SGK1: variants seen among roughly 807,000 people sequenced by gnomAD.
The protein encoded by SGK1 is serum/glucocorticoid regulated kinase 1.
SGK1 carries 26 observed loss-of-function variants against 64.2 expected under a neutral mutation model. The observed-to-expected ratio is 0.40, with a 90% CI of 0.30 to 0.56. SGK1 has a LOEUF of 0.56. SGK1 is among the 20% of genes least tolerant of loss of function. SGK1 has a pLI of 0.38. For missense variants in SGK1, 519 were observed against 645.6 expected (o/e 0.80, Z 2.12); for synonymous variants, 265 against 239.7 (o/e 1.11, Z -0.98).
At chr6:134,220,464 T>C (rs1268919404) in intron 2 of SGK1, among the ~76,000 whole-genome samples, 1 of 152,140 alleles carries the variant, frequency 6.6e-6, no homozygotes, top group Admixed American at 6.6e-5. Flanking sequence ...AGAGCGGAGT[T>C]GGTAGAAATA....
At chr6:134,268,240 C>G (rs1413850008) in intron 1 of SGK1, among the ~76,000 whole-genome samples, 2 of 152,138 alleles carry the variant, frequency 1.3e-5, no homozygotes, top group Non-Finnish European at 2.9e-5. Flanking sequence ...CCCTTCATAA[C>G]AATGGCTGGA....
At chr6:134,172,809 A>G (rs1743966) in intron 8 of SGK1, 35 bp from the exon 9 acceptor site, 315,680 of 1,476,506 alleles carry the variant, frequency 0.21, 34,906 homozygotes, top group African/African-American at 0.3. Context: ...TCTGGGTTGC[A>G]AATGAATTTA....
At chr6:134,277,954 T>C (rs1031982995) in intron 1 of SGK1, among the ~76,000 whole-genome samples, 3 of 152,202 alleles carry the variant, frequency 2.0e-5, no homozygotes, top group Non-Finnish European at 4.4e-5. Context: ...ATAAACTGAA[T>C]TAAGAGAATT....
At chr6:134,301,530 TTTCTTCTC>T (rs918181830) in intron 1 of SGK1, among the ~76,000 whole-genome samples, 3 of 103,270 alleles carry the variant, frequency 2.9e-5, no homozygotes, top group Non-Finnish European at 6.6e-5. Flanking sequence ...TCTTTTCTCT[TTTCTTCTC>T]TTCTCTTCTC....
chr6:134,215,134 C>CTTTCTTTTTT (rs569795606), intron 2 of SGK1: 12 of 392,108 alleles, frequency 3.1e-5, no homozygotes, highest in Admixed American at 8.8e-5. Context: ...TTCTTTCTTT[C>CTTTCTTTTTT]TTTTTTTTTT....
intron 2 of SGK1, among the ~76,000 whole-genome samples, chr6:134,227,952 T>A (rs1026010865): frequency 7.4e-6 from 1 of 135,264 alleles, no homozygotes; most frequent in Non-Finnish European, 1.6e-5. Flanking sequence ...TCTTTTTTTT[T>A]TTTTTTTTTT....
At chr6:134,212,299 C>G (rs1309797128) in intron 2 of SGK1, among the ~76,000 whole-genome samples, 1 of 152,074 alleles carries the variant, frequency 6.6e-6, no homozygotes, top group Non-Finnish European at 1.5e-5. Context: ...GTGATCCACC[C>G]GCTTCAGCCT....
chr6:134,242,954 C>G (rs1205418771), intron 2 of SGK1, among the ~76,000 whole-genome samples: 1 of 151,378 alleles, frequency 6.6e-6, no homozygotes, highest in Non-Finnish European at 1.5e-5. Flanking sequence ...ACCTATTTAG[C>G]TTATGCCTTT....
At chr6:134,305,731 C>A (rs929149957) in intron 1 of SGK1, among the ~76,000 whole-genome samples, 1 of 152,048 alleles carries the variant, frequency 6.6e-6, no homozygotes. Context: ...ACTGCAGCCT[C>A]CACCTCCTGG....
At chr6:134,298,244 C>T in intron 1 of SGK1, 1 of 1,578,284 alleles carries the variant, frequency 6.3e-7, no homozygotes, top group Non-Finnish European at 8.6e-7. Flanking sequence ...CCCCGAGTCT[C>T]CAGCTGCCGC....
At chr6:134,306,913 G>C (rs866028521) in intron 1 of SGK1, among the ~76,000 whole-genome samples, 4 of 135,318 alleles carry the variant, frequency 3.0e-5, no homozygotes, top group Non-Finnish European at 4.7e-5. Flanking sequence ...GAAATAAAAG[G>C]GGGGGGGGGC....
At chr6:134,227,246 T>C (rs1373592725) in intron 2 of SGK1, among the ~76,000 whole-genome samples, 1 of 151,888 alleles carries the variant, frequency 6.6e-6, no homozygotes, top group Non-Finnish European at 1.5e-5. Flanking sequence ...GTGATTCTCC[T>C]GCCTCAGCCT....
chr6:134,222,970 A>G (rs1406122001), intron 2 of SGK1, among the ~76,000 whole-genome samples: 1 of 152,230 alleles, frequency 6.6e-6, no homozygotes, highest in Non-Finnish European at 1.5e-5. Context: ...AATTTGCTTA[A>G]ACCAACTTCT....
intron 1 of SGK1, among the ~76,000 whole-genome samples, chr6:134,269,425 G>A (rs969944286): frequency 2.7e-5 from 4 of 147,552 alleles, no homozygotes; most frequent in Non-Finnish European, 6.0e-5. Flanking sequence ...GGTGGAGGCC[G>A]AGGCAGGTGG....
intron 2 of SGK1, among the ~76,000 whole-genome samples, chr6:134,218,414 T>G (rs937712812): frequency 6.9e-6 from 1 of 143,988 alleles, no homozygotes; most frequent in Non-Finnish European, 1.5e-5. Context: ...TCATGGAACT[T>G]GTTTTCTTTT....
Position 134,170,137 on chromosome 6 carries a change from A to T in SGK1, c.*131T>A. The T allele has an allele frequency of 1.4e-6, 1 of 716,736 alleles. No individual in the cohort carries two copies. The highest frequency in any genetic ancestry group is 2.3e-6 in the Non-Finnish European group (1 of 437,504). 44.4% of individuals were successfully genotyped at this position (716,736 alleles called of 1,614,324 possible). A position where few individuals can be genotyped will look rare whatever the true frequency, so the allele number is the denominator to read the frequency against. On this transcript the variant is annotated 3_prime_UTR_variant, in exon 14 of 14. Coordinates refer to ENST00000367858, the MANE Select transcript of SGK1 (RefSeq NM_001143676.3). ...AGCTTCCAGCGAACAGTGTGCAATA[A>T]GATTGCTAAGCTTCCAGAGATGTGC...
At chr6:134,224,699 T>C (rs1001179036) in intron 2 of SGK1, among the ~76,000 whole-genome samples, 13 of 152,182 alleles carry the variant, frequency 8.5e-5, no homozygotes, top group African/African-American at 3.1e-4. Flanking sequence ...TTGTATTTTA[T>C]TGTTTCTTTT....
intron 3 of SGK1, among the ~76,000 whole-genome samples, chr6:134,203,663 A>G (rs1357961221): frequency 6.6e-6 from 1 of 152,238 alleles, no homozygotes; most frequent in East Asian, 1.9e-4. Context: ...GACTGGCTGT[A>G]TCTATCAGAA....
At chr6:134,220,195 C>A (rs895343210) in intron 2 of SGK1, among the ~76,000 whole-genome samples, 6 of 151,330 alleles carry the variant, frequency 4.0e-5, no homozygotes, top group African/African-American at 1.5e-4. Flanking sequence ...GTAATCAATG[C>A]ATGTTTATTG....
Sources: gnomAD v4.1 joint callset for allele counts (sites outside exome capture counted in the v4.1 genomes callset) on GRCh38, gnomAD v4.1.1 for gene constraint, MANE v1.5 for transcripts, NCBI Gene and HGNC (gene_info 2026-07-23, HGNC 2026-07-21) for gene names.